GPR180: variants seen among roughly 807,000 people sequenced by gnomAD.
The protein encoded by GPR180 is G protein-coupled receptor 180.
A neutral mutation model predicts 52.6 loss-of-function variants in GPR180; 53 were observed. The ratio of observed to expected loss-of-function variants is 1.01; its 90% CI spans 0.81 to 1.27. The LOEUF is 1.27. Among genes scored for constraint, GPR180 ranks in the 50% most tolerant of loss-of-function variants. The pLI is 0.00. For synonymous variants in GPR180, 200 were observed against 193.1 expected (o/e 1.04, Z -0.30); for missense variants, 533 against 527.0 (o/e 1.01, Z -0.11).
Position 94,634,214 on chromosome 13 carries a change from CA to C in GPR180, c.*7044del, listed in dbSNP as rs1455240943. 3 of 151,898 alleles carry C rather than the reference CA, an allele frequency of 2.0e-5. No homozygotes were observed. The highest frequency in any genetic ancestry group is 7.3e-5 in the African/African-American group (3 of 41,326). 9.4% of individuals were successfully genotyped at this position (151,898 alleles called of 1,614,324 possible). The stretch of plus-strand genomic sequence containing the variant: ...TTCTTAGTGGAATGAATTAAATTTC[CA>C]TAGCAATTTAGGGAAATTTGACTTT... On this transcript the variant is annotated 3_prime_UTR_variant, in exon 9 of 9. Transcript: ENST00000376958.
rs1248544992 is a variant in GPR180, at chr13:94,629,624, G to A, written c.*2453G>A. 6.6e-6 allele frequency: 1 copy of A among 152,142 alleles called. No homozygotes were observed. Among genetic ancestry groups the A allele is most frequent in the Non-Finnish European group, 1.5e-5 (1 of 68,026 alleles). The allele number at this position is 152,142 out of a possible 1,614,324, so 9.4% of individuals were successfully genotyped here. On this transcript the variant is annotated 3_prime_UTR_variant, in exon 9 of 9. Transcript: ENST00000376958. ...GTATTAGCTGTGTTTTAGTGAGAAT[G>A]AATTGCTATCCATCATAATTTTTGC...
chr13:94,623,262 A>C lies in GPR180; in HGVS notation c.1048A>C (p.Ser350Arg). ...GLYQIITVER[S>R]TLKREFYITF... ...CTATCAGATCATCACAGTGGAGAGA[A>C]GTACACTCAAAAGGGAGTTCTACAT... Residue 350 changes from serine to arginine, a missense_variant, in exon 7 of 9, where the codon AGT (serine) becomes CGT (arginine). Coordinates refer to ENST00000376958, the MANE Select transcript of GPR180 (RefSeq NM_180989.6). The C allele has an allele frequency of 1.9e-6, 3 of 1,613,834 alleles. No homozygotes were observed. The highest frequency in any genetic ancestry group is 2.5e-6 in the Non-Finnish European group (3 of 1,179,904).
rs1159139804 is a variant in GPR180, at chr13:94,629,795, C to T, written c.*2624C>T. ...AGGAGAGTTAATCTAGGCAGAAGAGCTTGCTTTAGGGTAATTATTTATTAT... is the reference window on the plus strand; with the variant it reads ...AGGAGAGTTAATCTAGGCAGAAGAGTTTGCTTTAGGGTAATTATTTATTAT... On this transcript the variant is annotated 3_prime_UTR_variant, in exon 9 of 9. Coordinates refer to ENST00000376958, the MANE Select transcript of GPR180 (RefSeq NM_180989.6). 2.0e-5 allele frequency: 3 copies of T among 152,146 alleles called. No homozygotes were observed. The highest frequency in any genetic ancestry group is 4.4e-5 in the Non-Finnish European group (3 of 68,030). 9.4% of individuals were successfully genotyped at this position (152,146 alleles called of 1,614,324 possible).
rs1261069891 is a variant in GPR180 at position 94,630,425 on chromosome 13, T to C, written c.*3254T>C. On this transcript the variant is annotated 3_prime_UTR_variant, in exon 9 of 9. Transcript: ENST00000376958. Reference sequence around the variant, plus strand: ...AGCATACAGAAATTCTTTGTGCTAATCTTGTAATTTTTTTGTAAGTTTGAA... The same window carrying C: ...AGCATACAGAAATTCTTTGTGCTAACCTTGTAATTTTTTTGTAAGTTTGAA... 1 of 152,250 alleles carries C rather than the reference T, an allele frequency of 6.6e-6. No homozygotes were observed. Among genetic ancestry groups the C allele is most frequent in the African/African-American group, 2.4e-5 (1 of 41,468 alleles). 9.4% of individuals were successfully genotyped at this position (152,250 alleles called of 1,614,324 possible). A position where few individuals can be genotyped will look rare whatever the true frequency, so the allele number is the denominator to read the frequency against.
Position 94,619,170 on chromosome 13 carries a change from C to A in GPR180, c.526C>A (p.Leu176Ile), listed in dbSNP as rs754449385. The A allele has an allele frequency of 6.2e-7, 1 of 1,613,050 alleles. No homozygotes were observed. Among genetic ancestry groups the A allele is most frequent in the African/African-American group, 1.3e-5 (1 of 74,828 alleles). The change falls in exon 4 of 9, where the codon CTC becomes ATC. Residue 176 changes from leucine (L) to isoleucine (I), a missense_variant. Coordinates refer to ENST00000376958, the MANE Select transcript of GPR180 (RefSeq NM_180989.6). ...GESGLHEFFFLLVLVYFVIAC... is the reference protein window; with the variant it reads ...GESGLHEFFFILVLVYFVIAC... Reference sequence around the variant, plus strand: ...CACAGGGTTACATGAGTTCTTTTTCCTCCTAGTCCTAGTGTACTTTGTGAT... The same window carrying A: ...CACAGGGTTACATGAGTTCTTTTTCATCCTAGTCCTAGTGTACTTTGTGAT...
Position 94,605,407 on chromosome 13 carries a change from G to C in GPR180, c.162G>C (p.Leu54=). The change falls in exon 2 of 9, where the codon CTG becomes CTC. Residue 54 remains leucine (L), a synonymous_variant. Transcript: ENST00000376958. ...AATGTCAAGGTGACCATGCTCTTCTGTGTGTCAGAATCAACAACATAGCAG... is the reference window on the plus strand; with the variant it reads ...AATGTCAAGGTGACCATGCTCTTCTCTGTGTCAGAATCAACAACATAGCAG... ...HFEFHGDHAL[L]CVRINNIAVA... is the part of the protein sequence containing the mutation. 6.2e-7 allele frequency: 1 copy of C among 1,613,948 alleles called. No individual in the cohort carries two copies. Among genetic ancestry groups the C allele is most frequent in the Non-Finnish European group, 8.5e-7 (1 of 1,179,966 alleles).
chr13:94,616,601 C>T (rs553118458), intron 3 of GPR180, among the ~76,000 whole-genome samples: 1 of 152,326 alleles, frequency 6.6e-6, no homozygotes, highest in South Asian at 2.1e-4. Context: ...AAGTGTTCAC[C>T]ACCTGTTGTA....
intron 2 of GPR180, among the ~76,000 whole-genome samples, chr13:94,607,159 C>A (rs1037399540): frequency 1.1e-4 from 17 of 151,422 alleles, no homozygotes; most frequent in Non-Finnish European, 2.4e-4. Context: ...CTTTCTACCC[C>A]CTCATACATC....
intron 7 of GPR180, among the ~76,000 whole-genome samples, chr13:94,624,329 G>A (rs1435408253): frequency 6.6e-6 from 1 of 152,090 alleles, no homozygotes; most frequent in African/African-American, 2.4e-5. Context: ...GTTATTGGCC[G>A]TTATTCTGAG....
chr13:94,604,974 A>G (rs898382996), intron 1 of GPR180, among the ~76,000 whole-genome samples: 3 of 152,202 alleles, frequency 2.0e-5, no homozygotes, highest in Admixed American at 6.5e-5. Context: ...GCTATTAGCT[A>G]TGTTTATTTT....
Position 94,612,378 on chromosome 13 carries a change from G to A in GPR180, c.493G>A (p.Ala165Thr). 6.2e-7 allele frequency: 1 copy of A among 1,606,968 alleles called. No individual in the cohort carries two copies. Among genetic ancestry groups the A allele is most frequent in the Non-Finnish European group, 8.5e-7 (1 of 1,173,408 alleles). Reference sequence around the variant, plus strand: ...AGGGAATCCATTTGATCATTTTAGTGCTGGAGAATCTGGTAAGAATATGTA... The same window carrying A: ...AGGGAATCCATTTGATCATTTTAGTACTGGAGAATCTGGTAAGAATATGTA... ...AEGNPFDHFS[A>T]GESGLHEFFF... The change falls in exon 3 of 9, where the codon GCT (alanine) becomes ACT (threonine). Residue 165 changes from alanine to threonine, a missense_variant. Ala to Thr is a moderately conservative substitution (Grantham distance 58, BLOSUM62 0). Transcript: ENST00000376958.
chr13:94,625,428 A>T (rs1889916526), intron 7 of GPR180, among the ~76,000 whole-genome samples: 1 of 152,090 alleles, frequency 6.6e-6, no homozygotes, highest in South Asian at 2.1e-4. Context: ...TTTTATTTCA[A>T]ATTTAATTTT....
chr13:94,626,191 G>C lies in GPR180; in HGVS notation c.1164+148G>C. On this transcript the variant is annotated intron_variant, in intron 8 of 8. Coordinates refer to ENST00000376958, the MANE Select transcript of GPR180 (RefSeq NM_180989.6). ...AAACAAAATAGTAAACCAATAAGCAGATAAATTTGAAGTTTAAAATATTTT... is the reference window on the plus strand; with the variant it reads ...AAACAAAATAGTAAACCAATAAGCACATAAATTTGAAGTTTAAAATATTTT... The C allele has an allele frequency of 6.3e-6, 3 of 479,986 alleles. No homozygotes were observed. In the East Asian group the frequency reaches 1.0e-4, roughly 16 times the overall value. 29.7% of individuals were successfully genotyped at this position (479,986 alleles called of 1,614,324 possible).
At chr13:94,623,045 G>GC in intron 6 of GPR180, 64 bp from the exon 7 acceptor site, 1 of 1,233,354 alleles carries the variant, frequency 8.1e-7, no homozygotes, top group East Asian at 2.3e-5. Context: ...TTAAAGAGTT[G>GC]AAAAAAATAT....
chr13:94,629,018 T>G lies in GPR180; in HGVS notation c.*1847T>G, dbSNP rs993997466. ...CTTGCATTTATGAAACTAACCAGTTTTTTAAACTTTAATTCTTAAATTTAT... is the reference window on the plus strand; with the variant it reads ...CTTGCATTTATGAAACTAACCAGTTGTTTAAACTTTAATTCTTAAATTTAT... On this transcript the variant is annotated 3_prime_UTR_variant, in exon 9 of 9. Coordinates refer to ENST00000376958, the MANE Select transcript of GPR180 (RefSeq NM_180989.6). The G allele has an allele frequency of 2.0e-5, 3 of 152,148 alleles. No homozygotes were observed. Among genetic ancestry groups the G allele is most frequent in the Non-Finnish European group, 2.9e-5 (2 of 67,974 alleles). 9.4% of individuals were successfully genotyped at this position (152,148 alleles called of 1,614,324 possible).
chr13:94,618,079 T>C (rs929375248), intron 3 of GPR180, among the ~76,000 whole-genome samples: 2 of 152,244 alleles, frequency 1.3e-5, no homozygotes, highest in African/African-American at 2.4e-5. Flanking sequence ...TAGAGGCTGC[T>C]CTAATGACTG....
At position 94,625,066 on chromosome 13, in the gene GPR180, G is replaced by A. The variant is rs534329729; in HGVS notation, c.1087-900G>A. On this transcript the variant is annotated intron_variant, in intron 7 of 8. Coordinates refer to ENST00000376958, the MANE Select transcript of GPR180 (RefSeq NM_180989.6). Reference sequence around the variant, plus strand: ...CGACCTCAGGTGATCCGCCCGCCTCGGCCTCCCAAAATGTTGGGATTACAG... The same window carrying A: ...CGACCTCAGGTGATCCGCCCGCCTCAGCCTCCCAAAATGTTGGGATTACAG... Among the ~76,000 whole-genome samples, 16 of 152,212 alleles carry A rather than the reference G, an allele frequency of 1.1e-4. 1 individual carries two copies. The South Asian group carries it at 3.3e-3, about 32-fold the overall frequency.
rs182938123 is a variant in GPR180 at position 94,601,932 on chromosome 13, G to C, written c.5G>C (p.Gly2Ala). Residue 2 changes from glycine to alanine, a missense_variant, in exon 1 of 9, where the codon GGG becomes GCG. By Grantham distance (60) the Gly-to-Ala change is moderately conservative. Transcript: ENST00000376958. Reference protein sequence around the residue: MGGLRLLAVALT... With the variant: MAGLRLLAVALT... ...GGTGCAGACCTGGAGACGGGCATGG[G>C]GGGGCTGCGGCTGCTGGCTGTGGCC... 1.0e-4 allele frequency: 150 copies of C among 1,490,430 alleles called. No individual in the cohort carries two copies. In the East Asian group the frequency reaches 3.0e-3, roughly 30 times the overall value. The allele number at this position is 1,490,430 out of a possible 1,614,324, so 92.3% of individuals were successfully genotyped here.
chr13:94,625,838 G>T, intron 7 of GPR180, 128 bp from the exon 8 acceptor site: 2 of 464,082 alleles, frequency 4.3e-6, no homozygotes, highest in Admixed American at 3.8e-5. Flanking sequence ...ACATTTTATT[G>T]CAGGCTGTAC....
Sources: allele counts gnomAD v4.1 joint callset (sites outside exome capture counted in the v4.1 genomes callset), GRCh38; gene constraint gnomAD v4.1.1; transcripts MANE v1.5; gene names NCBI Gene and HGNC (gene_info 2026-07-23, HGNC 2026-07-21).